The following ARHGAP21 variants were observed in gnomAD, a reference collection of about 807,000 sequenced individuals.
The protein encoded by ARHGAP21 is Rho GTPase activating protein 21, also known as rho GTPase-activating protein 21.
ARHGAP21 carries 38 observed loss-of-function variants against 164.6 expected under a neutral mutation model. That is an observed-to-expected ratio of 0.23 (90% confidence interval 0.18 to 0.30). The LOEUF (loss-of-function observed/expected upper bound fraction) is 0.30, where lower values mean the gene tolerates loss of function less well. Ranked by LOEUF, ARHGAP21 falls within the 10% of genes least tolerant of loss-of-function variation. ARHGAP21 has a pLI of 1.00. For missense variants in ARHGAP21, 1,822 were observed against 2,370.7 expected (o/e 0.77, Z 4.81); for synonymous variants, 766 against 857.9 (o/e 0.89, Z 1.87).
intron 19 of ARHGAP21, among the ~76,000 whole-genome samples, 200 bp downstream of exon 19, chr10:24,595,517 G>A (rs1229220384): frequency 6.6e-6 from 1 of 152,132 alleles, no homozygotes; most frequent in Non-Finnish European, 1.5e-5. Flanking sequence ...TAATTTGGCT[G>A]CAAACATGTA....
chr10:24,589,573 G>A (rs2076248123), intron 24 of ARHGAP21: 5 of 381,572 alleles, frequency 1.3e-5, no homozygotes, highest in Non-Finnish European at 1.4e-5. Context: ...AGAAACACTC[G>A]TGTTTATTAG....
rs1343459042 is a variant in ARHGAP21, at chr10:24,629,986, TA to T, written c.495+9del. The stretch of plus-strand genomic sequence containing the variant: ...GTAAAACAACTCATATATGAATAAA[TA>T]AAACTTACCACTTGGAGAATGTCTT... On this transcript the variant is annotated intron_variant, in intron 7 of 25. Transcript: ENST00000396432. 1 of 1,545,346 alleles carries T rather than the reference TA, an allele frequency of 6.5e-7. No homozygotes were observed. Among genetic ancestry groups the T allele is most frequent in the Non-Finnish European group, 8.9e-7 (1 of 1,129,842 alleles).
At chr10:24,622,677 A>G in intron 8 of ARHGAP21, 56 bp downstream of exon 8, 1 of 1,555,060 alleles carries the variant, frequency 6.4e-7, no homozygotes, top group East Asian at 2.3e-5. Context: ...GCTTATTACA[A>G]ATCTCTACAA....
intron 3 of ARHGAP21, among the ~76,000 whole-genome samples, 185 bp downstream of exon 3, chr10:24,670,031 TTC>T (rs1284382248): frequency 4.6e-5 from 7 of 152,142 alleles, no homozygotes; most frequent in African/African-American, 1.7e-4. Context: ...AGACTAAAGT[TTC>T]TGTTTTGTTC....
rs572129936 is a variant in ARHGAP21, at chr10:24,597,669, A to G, written c.3198-86T>C. The G allele has an allele frequency of 6.5e-6, 10 of 1,537,028 alleles. No individual in the cohort carries two copies. The African/African-American group carries it at 1.1e-4, about 17-fold the overall frequency. Reference sequence around the variant, plus strand: ...GTTACCCGTGGTGAGCCATGGTCTGAAAATATTAACTGGAAAATTCTTGGA... The same window carrying G: ...GTTACCCGTGGTGAGCCATGGTCTGGAAATATTAACTGGAAAATTCTTGGA... On this transcript the variant is annotated intron_variant, in intron 15 of 25. Transcript: ENST00000396432.
chr10:24,669,782 A>G (rs1234329599), intron 3 of ARHGAP21, among the ~76,000 whole-genome samples: 3 of 152,212 alleles, frequency 2.0e-5, no homozygotes, highest in Non-Finnish European at 2.9e-5. Context: ...GTGTTTTTCA[A>G]TTCTAACATG....
chr10:24,662,367 A>T (rs1839791251), intron 4 of ARHGAP21, among the ~76,000 whole-genome samples: 1 of 152,222 alleles, frequency 6.6e-6, no homozygotes, highest in South Asian at 2.1e-4. Context: ...GACACAACTG[A>T]TTTGGAAATC....
At chr10:24,689,901 T>C (rs1842581616) in intron 2 of ARHGAP21, among the ~76,000 whole-genome samples, 1 of 41,028 alleles carries the variant, frequency 2.4e-5, no homozygotes, top group Non-Finnish European at 5.6e-5. Context: ...TGTATGTGTA[T>C]ATATACATGT....
At chr10:24,649,615 C>T (rs1336117859) in intron 4 of ARHGAP21, among the ~76,000 whole-genome samples, 1 of 151,904 alleles carries the variant, frequency 6.6e-6, no homozygotes, top group Non-Finnish European at 1.5e-5. Flanking sequence ...CAAAAGCAAA[C>T]ACCAATCAAC....
At chr10:24,696,780 T>A (rs1276402958) in intron 2 of ARHGAP21, among the ~76,000 whole-genome samples, 3 of 152,038 alleles carry the variant, frequency 2.0e-5, no homozygotes, top group Non-Finnish European at 2.9e-5. Context: ...GCTAAACACG[T>A]CTATGTGCTA....
At chr10:24,644,653 T>C (rs992702686) in intron 4 of ARHGAP21, among the ~76,000 whole-genome samples, 8 of 152,174 alleles carry the variant, frequency 5.3e-5, no homozygotes, top group Non-Finnish European at 1.0e-4. Context: ...TCCACTCCCC[T>C]TGCCCCACTT....
At chr10:24,716,613 A>G (rs898215387) in intron 2 of ARHGAP21, among the ~76,000 whole-genome samples, 2 of 152,254 alleles carry the variant, frequency 1.3e-5, no homozygotes, top group Non-Finnish European at 2.9e-5. Context: ...CACTGCAAGA[A>G]CTTTGGCCTT....
In ARHGAP21 at chr10:24,642,160, A is replaced by G. The variant is rs975542653; in HGVS notation, c.269-7057T>C. The stretch of plus-strand genomic sequence containing the variant: ...AAACATTTTAATGCAAATCCCAGAT[A>G]TCATGTCATTCATAGGTACTTTAAA... On this transcript the variant is annotated intron_variant, in intron 4 of 25. Transcript: ENST00000396432. 2.0e-4 allele frequency among the ~76,000 whole-genome samples: 30 copies of G among 152,330 alleles called. 1 individual carries two copies. The highest frequency in any genetic ancestry group is 9.2e-4 in the Admixed American group (14 of 15,300).
In ARHGAP21 at chr10:24,591,873, A is replaced by C. The variant is rs371918980; in HGVS notation, c.4002+14T>G. 2.7e-5 allele frequency: 44 copies of C among 1,600,284 alleles called. No homozygotes were observed. Among genetic ancestry groups the C allele is most frequent in the Non-Finnish European group, 3.1e-5 (37 of 1,175,080 alleles). ...GATGAAGCATGAACTTACAGAGATG[A>C]AGCATGAACTTACGTGCTGGATGAG... is the stretch of plus-strand genomic sequence containing the variant. On this transcript the variant is annotated intron_variant, in intron 22 of 25. Transcript: ENST00000396432.
At chr10:24,603,530 A>T (rs1289659851) in intron 12 of ARHGAP21, among the ~76,000 whole-genome samples, 1 of 152,222 alleles carries the variant, frequency 6.6e-6, no homozygotes, top group Non-Finnish European at 1.5e-5. Flanking sequence ...ACATGGGTGC[A>T]GACAACAGTG....
rs149093261 is a variant in ARHGAP21 at position 24,617,034 on chromosome 10, G to A, written c.2422+2439C>T. Among the ~76,000 whole-genome samples the A allele has an allele frequency of 1.7e-3, 261 of 152,264 alleles. 7 individuals are homozygous for A. The East Asian group carries it at 0.038, about 22-fold the overall frequency. On this transcript the variant is annotated intron_variant, in intron 9 of 25. Transcript: ENST00000396432. ...TGCAGACTGGTACTGGTCCATGGCC[G>A]GTTAGGAGCTGGGCCGCACAGCAGA... is the stretch of plus-strand genomic sequence containing the variant.
chr10:24,657,647 TTGCCGTGTC>T (rs1164205658), intron 4 of ARHGAP21, among the ~76,000 whole-genome samples: 1 of 121,038 alleles, frequency 8.3e-6, no homozygotes, highest in African/African-American at 3.4e-5. Flanking sequence ...AACCGGATGG[TTGCCGTGTC>T]TGTGTAGAAA....
rs1341114892 is a variant in ARHGAP21 at position 24,714,714 on chromosome 10, C to T, written c.63+7123G>A. 4.6e-5 allele frequency among the ~76,000 whole-genome samples: 7 copies of T among 152,202 alleles called. No individual in the cohort carries two copies. In the South Asian group the frequency reaches 1.5e-3, roughly 32 times the overall value. On this transcript the variant is annotated intron_variant, in intron 2 of 25. Coordinates refer to ENST00000396432, the MANE Select transcript of ARHGAP21 (RefSeq NM_020824.4). ...TAACTAGTCTAGAATGAATCCTATG[C>T]CTCCAATGAAGAAACTTGCTTTTTA... is the stretch of plus-strand genomic sequence containing the variant.
Position 24,670,224 on chromosome 10 carries a change from T to C in ARHGAP21, c.237A>G (p.Ser79=). 6.3e-7 allele frequency: 1 copy of C among 1,588,344 alleles called. No individual in the cohort carries two copies. The change falls in exon 3 of 26, where the codon TCA becomes TCG. Residue 79 remains serine, a synonymous_variant. Coordinates refer to ENST00000396432, the MANE Select transcript of ARHGAP21 (RefSeq NM_020824.4). The part of the protein sequence containing the change: ...VYPPESAIQF[S]YKDEENGNRG... ...CGGTAACTATTTCTCTTACCTTATA[T>C]GAAAATTGAATTGCAGACTCTGGGG... is the stretch of plus-strand genomic sequence containing the variant.
Sources: allele counts gnomAD v4.1 joint callset (sites outside exome capture counted in the v4.1 genomes callset), GRCh38; gene constraint gnomAD v4.1.1; transcripts MANE v1.5; gene names NCBI Gene and HGNC (gene_info 2026-07-23, HGNC 2026-07-21).